KCNK13: variants seen among roughly 807,000 people sequenced by gnomAD.
KCNK13 encodes the protein potassium two pore domain channel subfamily K member 13.
KCNK13 carries 12 observed loss-of-function variants against 23.4 expected under a neutral mutation model. The ratio of observed to expected loss-of-function variants is 0.51; its 90% CI spans 0.33 to 0.83. The LOEUF is 0.83. Among genes scored for constraint, KCNK13 ranks in the 40% least tolerant of loss-of-function variants. The probability of loss-of-function intolerance (pLI) is 0.02; values close to 1 mark genes in which losing one functional copy is unlikely to be tolerated. For synonymous variants in KCNK13, 231 were observed against 229.5 expected (o/e 1.01, Z -0.06); for missense variants, 463 against 556.3 (o/e 0.83, Z 1.69).
intron 1 of KCNK13, among the ~76,000 whole-genome samples, chr14:90,101,790 C>CAACAAAAAAAAAAAAAAA (rs1889481120): frequency 1.8e-5 from 1 of 55,594 alleles, no homozygotes; most frequent in Non-Finnish European, 3.5e-5. Context: ...ACTCCGTCTC[C>CAACAAAAAAAAAAAAAAA]AAAAAAAAAA....
chr14:90,168,916 T>C (rs548975208), intron 1 of KCNK13, among the ~76,000 whole-genome samples: 3 of 152,274 alleles, frequency 2.0e-5, no homozygotes, highest in African/African-American at 7.2e-5. Context: ...GTAAGTCTCA[T>C]GAGATCTGAT....
chr14:90,108,022 T>G (rs1216085321), intron 1 of KCNK13: 1 of 669,312 alleles, frequency 1.5e-6, no homozygotes, highest in Non-Finnish European at 2.8e-6. Flanking sequence ...ACGCTGACTT[T>G]CCTCCTCAAG....
intron 1 of KCNK13, among the ~76,000 whole-genome samples, chr14:90,147,344 C>T (rs1350690807): frequency 6.6e-6 from 1 of 152,126 alleles, no homozygotes; most frequent in African/African-American, 2.4e-5. Flanking sequence ...CCCTAAACTC[C>T]TGGGCTCAAG....
chr14:90,074,221 GCCTC>G (rs1889110226), intron 1 of KCNK13, among the ~76,000 whole-genome samples: 3 of 152,210 alleles, frequency 2.0e-5, no homozygotes, highest in African/African-American at 7.2e-5. Flanking sequence ...ACCCGCCTTG[GCCTC>G]CCAAGGTGCT....
chr14:90,087,127 T>C lies in KCNK13; in HGVS notation c.334+24588T>C, dbSNP rs112740739. On this transcript the variant is annotated intron_variant, in intron 1 of 1. Coordinates refer to ENST00000282146, the MANE Select transcript of KCNK13 (RefSeq NM_022054.4). ...TTTTATATATATATACATATATATA[T>C]ACATATATATATATATATATATATA... Among the ~76,000 whole-genome samples, 8 of 85,918 alleles carry C rather than the reference T, an allele frequency of 9.3e-5. 1 individual carries two copies. Among genetic ancestry groups the C allele is most frequent in the South Asian group, 4.5e-4 (1 of 2,236 alleles). 56.4% of individuals were successfully genotyped at this position (85,918 alleles called of 152,430 possible).
intron 1 of KCNK13, among the ~76,000 whole-genome samples, chr14:90,167,257 C>T (rs1256188587): frequency 1.3e-5 from 2 of 152,120 alleles, no homozygotes; most frequent in Non-Finnish European, 2.9e-5. Context: ...GTTTAACCCT[C>T]GTATCGCAGT....
At chr14:90,163,754 A>G (rs1037982525) in intron 1 of KCNK13, among the ~76,000 whole-genome samples, 4 of 152,072 alleles carry the variant, frequency 2.6e-5, no homozygotes, top group East Asian at 1.9e-4. Flanking sequence ...CAGTGGTGCA[A>G]TCTCGGCTCA....
chr14:90,147,145 A>G (rs1890082095), intron 1 of KCNK13, among the ~76,000 whole-genome samples: 1 of 152,160 alleles, frequency 6.6e-6, no homozygotes, highest in Non-Finnish European at 1.5e-5. Context: ...CTTATTTCAT[A>G]TGTTTGTACA....
intron 1 of KCNK13, among the ~76,000 whole-genome samples, chr14:90,075,629 C>A (rs1427652398): frequency 6.6e-6 from 1 of 152,140 alleles, no homozygotes; most frequent in Non-Finnish European, 1.5e-5. Context: ...CAGGCGTGCA[C>A]CACCATGCTC....
intron 1 of KCNK13, among the ~76,000 whole-genome samples, chr14:90,127,868 A>C (rs1331903278): frequency 6.6e-6 from 1 of 150,926 alleles, no homozygotes; most frequent in Non-Finnish European, 1.5e-5. Context: ...AGTATGTTTC[A>C]TCTAACAGAG....
intron 1 of KCNK13, among the ~76,000 whole-genome samples, chr14:90,085,723 TATA>T (rs1889264002): frequency 1.4e-5 from 2 of 139,464 alleles, no homozygotes; most frequent in African/African-American, 5.4e-5. Flanking sequence ...TATACTTATA[TATA>T]ATATATATAT....
chr14:90,065,641 AC>A (rs1040473417), intron 1 of KCNK13, among the ~76,000 whole-genome samples: 39 of 152,212 alleles, frequency 2.6e-4, no homozygotes, highest in African/African-American at 9.2e-4. Flanking sequence ...TGTTTACACA[AC>A]CACACCTGTC....
At chr14:90,173,077 A>G (rs1890383426) in intron 1 of KCNK13, among the ~76,000 whole-genome samples, 1 of 152,254 alleles carries the variant, frequency 6.6e-6, no homozygotes, top group African/African-American at 2.4e-5. Context: ...CAGGTGCTAA[A>G]GAGAATATTC....
Position 90,062,028 on chromosome 14 carries a change from G to A in KCNK13, c.-178G>A, listed in dbSNP as rs2140383274. ...GGGAGCTGGCGCCACAGGAGCTACC[G>A]AGGCGGCGGCCGGGGGAGCCTCGCG... On this transcript the variant is annotated 5_prime_UTR_variant, in exon 1 of 2. Transcript: ENST00000282146. This position sits in a 1 kb window ranked among gnomAD's most constrained non-coding sequence, Gnocchi z 4.5. 2.5e-6 allele frequency: 1 copy of A among 407,392 alleles called. No homozygotes were observed. The highest frequency in any genetic ancestry group is 1.1e-4 in the South Asian group (1 of 9,502). The allele number at this position is 407,392 out of a possible 1,614,324, so 25.2% of individuals were successfully genotyped here.
chr14:90,103,549 C>A (rs963276073), intron 1 of KCNK13, among the ~76,000 whole-genome samples: 33 of 152,064 alleles, frequency 2.2e-4, no homozygotes, highest in African/African-American at 7.7e-4. Flanking sequence ...GGCATCCTGT[C>A]CACCCCAGGG....
chr14:90,077,364 G>A (rs376889591), intron 1 of KCNK13, among the ~76,000 whole-genome samples: 31 of 151,970 alleles, frequency 2.0e-4, no homozygotes, highest in African/African-American at 6.5e-4. Flanking sequence ...CAGGTGATCC[G>A]CCCGCCTCGG....
chr14:90,092,068 C>CAT (rs1566949983), intron 1 of KCNK13, among the ~76,000 whole-genome samples: 4 of 151,760 alleles, frequency 2.6e-5, no homozygotes, highest in Admixed American at 1.3e-4. Flanking sequence ...ACTACAGGTG[C>CAT]CCGCCACCAC....
intron 1 of KCNK13, among the ~76,000 whole-genome samples, chr14:90,150,479 G>A (rs1659603664): frequency 6.6e-6 from 1 of 152,086 alleles, no homozygotes; most frequent in African/African-American, 2.4e-5. Context: ...TGAAATAAAG[G>A]TAAAATTCTC....
At chr14:90,166,486 A>G (rs10132935) in intron 1 of KCNK13, among the ~76,000 whole-genome samples, 2,578 of 152,262 alleles carry the variant, frequency 0.017, 72 homozygotes, top group African/African-American at 0.059. Context: ...CGGGCAGACC[A>G]CCTGTGGTCA....
Sources: gnomAD v4.1 joint callset for allele counts (sites outside exome capture counted in the v4.1 genomes callset) on GRCh38, gnomAD v4.1.1 for gene constraint, Gnocchi (gnomAD v3.1) non-coding constraint, MANE v1.5 for transcripts, NCBI Gene and HGNC (gene_info 2026-07-23, HGNC 2026-07-21) for gene names.